The following IL1RAPL1 variants were observed in gnomAD, a reference collection of about 807,000 sequenced individuals.
IL1RAPL1 encodes interleukin 1 receptor accessory protein like 1.
Under a neutral mutation model 48.4 loss-of-function variants are expected in IL1RAPL1, and 3 were observed. That is an observed-to-expected ratio of 0.06 (90% confidence interval 0.03 to 0.16). The LOEUF is 0.16. IL1RAPL1 is among the 10% of genes least tolerant of loss of function. The probability of loss-of-function intolerance (pLI) is 1.00; values close to 1 mark genes in which losing one functional copy is unlikely to be tolerated. For missense variants in IL1RAPL1, 349 were observed against 530.6 expected, an observed-to-expected ratio of 0.66 and a Z score of 3.36; for synonymous variants, 185 against 187.7, an observed-to-expected ratio of 0.99 and a Z score of 0.12.
rs187251617 is a variant in IL1RAPL1 at position 29,726,328 on chromosome X, A to G, written c.778+57824A>G. Among the ~76,000 whole-genome samples the G allele has an allele frequency of 2.5e-4, 28 of 112,513 alleles. 1 individual carries two copies. In the East Asian group the frequency reaches 7.0e-3, roughly 28 times the overall value. ...TAGAATGGTTAAATCCAGCTAATTA[A>G]CAAATGCATTATACCTCACATAGTT... is the stretch of plus-strand genomic sequence containing the variant. On this transcript the variant is annotated intron_variant, in intron 6 of 10. Coordinates refer to ENST00000378993, the MANE Select transcript of IL1RAPL1 (RefSeq NM_014271.4).
chrX:29,120,222 T>C (rs961211333), intron 2 of IL1RAPL1, among the ~76,000 whole-genome samples: 4 of 112,455 alleles, frequency 3.6e-5, no homozygotes, highest in African/African-American at 9.7e-5. Flanking sequence ...CCAAGGCAGA[T>C]GTCTGCAATG....
intron 6 of IL1RAPL1, among the ~76,000 whole-genome samples, chrX:29,739,974 C>T (rs994805258): frequency 1.8e-5 from 2 of 108,700 alleles, no homozygotes; most frequent in Admixed American, 9.9e-5. Flanking sequence ...GCAGGAGAAT[C>T]GCTTGAACCT....
At chrX:28,592,030 A>G (rs187108370) in intron 1 of IL1RAPL1, among the ~76,000 whole-genome samples, 1 of 111,573 alleles carries the variant, frequency 9.0e-6, no homozygotes, top group East Asian at 2.8e-4. Flanking sequence ...GCTTTCTAGT[A>G]GCAATTACAG....
chrX:28,892,829 C>T (rs900562033), intron 2 of IL1RAPL1, among the ~76,000 whole-genome samples: 1 of 110,619 alleles, frequency 9.0e-6, no homozygotes, highest in East Asian at 2.9e-4. Flanking sequence ...GGCCTGGATA[C>T]GGTTTTGTAT....
intron 3 of IL1RAPL1, among the ~76,000 whole-genome samples, chrX:29,347,119 C>A (rs146337469): frequency 9.0e-6 from 1 of 110,766 alleles, no homozygotes; most frequent in African/African-American, 3.3e-5. Context: ...TTACCCGACC[C>A]TGTGGATGCC....
chrX:29,736,553 C>G (rs1356229695), intron 6 of IL1RAPL1, among the ~76,000 whole-genome samples: 1 of 111,691 alleles, frequency 9.0e-6, no homozygotes, highest in Non-Finnish European at 1.9e-5. Context: ...TGGTGAAACC[C>G]CATGTCTACT....
At chrX:29,019,307 CACA>C (rs1253063278) in intron 2 of IL1RAPL1, among the ~76,000 whole-genome samples, 1 of 111,520 alleles carries the variant, frequency 9.0e-6, no homozygotes, top group Non-Finnish European at 1.9e-5. Context: ...GTGAGGGTTG[CACA>C]ACATTTTGAA....
In IL1RAPL1 at chrX:29,256,734, A is replaced by T. The variant is rs138340236; in HGVS notation, c.83-26204A>T. On this transcript the variant is annotated intron_variant, in intron 2 of 10. Coordinates refer to ENST00000378993, the MANE Select transcript of IL1RAPL1 (RefSeq NM_014271.4). ...ATAAATGATGATGATGATGGTGGTG[A>T]TGATAATTATGGTGATTACAGTTAG... Among the ~76,000 whole-genome samples the T allele has an allele frequency of 2.7e-3, 300 of 111,340 alleles. 1 individual carries two copies. Among genetic ancestry groups the T allele is most frequent in the African/African-American group, 9.4e-3 (288 of 30,751 alleles).
At chrX:28,873,773 C>T (rs1039027519) in intron 2 of IL1RAPL1, among the ~76,000 whole-genome samples, 5 of 108,199 alleles carry the variant, frequency 4.6e-5, no homozygotes, top group Non-Finnish European at 7.6e-5. Flanking sequence ...CCTCGTGATC[C>T]GCCCGCCTTG....
intron 2 of IL1RAPL1, among the ~76,000 whole-genome samples, chrX:29,184,372 AC>A (rs1289052973): frequency 2.7e-5 from 3 of 112,268 alleles, no homozygotes. Context: ...TGAAAATTAT[AC>A]ATTGATTTCA....
chrX:28,885,586 A>G (rs959614934), intron 2 of IL1RAPL1, among the ~76,000 whole-genome samples: 1 of 112,029 alleles, frequency 8.9e-6, no homozygotes, highest in African/African-American at 3.2e-5. Context: ...TGTTTAATAA[A>G]ATAAGAAACT....
At chrX:29,019,788 T>C (rs1195802278) in intron 2 of IL1RAPL1, among the ~76,000 whole-genome samples, 2 of 112,353 alleles carry the variant, frequency 1.8e-5, no homozygotes, top group Non-Finnish European at 3.8e-5. Flanking sequence ...ATCTTATTAA[T>C]AGCATCTCCC....
chrX:28,991,876 A>C (rs1219656655), intron 2 of IL1RAPL1, among the ~76,000 whole-genome samples: 3 of 111,699 alleles, frequency 2.7e-5, no homozygotes, highest in Non-Finnish European at 5.6e-5. Flanking sequence ...TTTTTGTGGG[A>C]GATGCTATAG....
chrX:28,746,861 T>C (rs1175733350), intron 1 of IL1RAPL1, among the ~76,000 whole-genome samples: 1 of 111,796 alleles, frequency 8.9e-6, no homozygotes, highest in Non-Finnish European at 1.9e-5. Context: ...TGTCTGTTTT[T>C]CTTTAAAATA....
chrX:29,249,616 A>G (rs1931571365), intron 2 of IL1RAPL1, among the ~76,000 whole-genome samples: 1 of 111,773 alleles, frequency 8.9e-6, no homozygotes, highest in African/African-American at 3.3e-5. Flanking sequence ...TTTTCCAATT[A>G]CTAAGCGATA....
chrX:28,928,069 A>G (rs1418660778), intron 2 of IL1RAPL1, among the ~76,000 whole-genome samples: 2 of 110,539 alleles, frequency 1.8e-5, no homozygotes, highest in African/African-American at 6.6e-5. Context: ...AGACCTTTTG[A>G]TTTTTTTCCA....
At chrX:29,484,256 G>C (rs1935072975) in intron 5 of IL1RAPL1, among the ~76,000 whole-genome samples, 1 of 111,523 alleles carries the variant, frequency 9.0e-6, no homozygotes, top group African/African-American at 3.3e-5. Context: ...GCTGGCATCT[G>C]GTGAGAGCCA....
intron 2 of IL1RAPL1, among the ~76,000 whole-genome samples, chrX:28,990,126 A>G (rs1266821869): frequency 8.9e-6 from 1 of 111,870 alleles, no homozygotes; most frequent in Non-Finnish European, 1.9e-5. Flanking sequence ...CCAAAAACAA[A>G]TTAAAAATTA....
chrX:29,020,942 C>T (rs1310625788), intron 2 of IL1RAPL1, among the ~76,000 whole-genome samples: 2 of 111,287 alleles, frequency 1.8e-5, no homozygotes, highest in Admixed American at 9.5e-5. Flanking sequence ...ATAGGTATGA[C>T]GGGCCAGGTG....
Sources: allele counts gnomAD v4.1 joint callset (sites outside exome capture counted in the v4.1 genomes callset), GRCh38; gene constraint gnomAD v4.1.1; transcripts MANE v1.5; gene names NCBI Gene and HGNC (gene_info 2026-07-23, HGNC 2026-07-21).